Variants in MAML3 observed in about 807,000 individuals in gnomAD.
The protein encoded by MAML3 is mastermind like transcriptional coactivator 3, also known as mastermind-like protein 3.
In MAML3, 27 loss-of-function variants were observed where a neutral mutation model predicts 101.9. The ratio of observed to expected loss-of-function variants is 0.27; its 90% CI spans 0.20 to 0.37. The LOEUF (loss-of-function observed/expected upper bound fraction) is 0.37, where lower values mean the gene tolerates loss of function less well. MAML3 is among the 10% of genes least tolerant of loss of function. The probability of loss-of-function intolerance (pLI) is 1.00; values close to 1 mark genes in which losing one functional copy is unlikely to be tolerated. For synonymous variants in MAML3, 501 were observed against 555.9 expected (o/e 0.90, Z 1.39); for missense variants, 1,316 against 1,444.9 (o/e 0.91, Z 1.45).
At position 140,135,926 on chromosome 4, in the gene MAML3, C is replaced by T. The variant is rs190468122; in HGVS notation, c.468+16934G>A. On this transcript the variant is annotated intron_variant, in intron 1 of 4. Transcript: ENST00000509479. ...TATCTCCCTCCCCCTTCTCCTTCAA[C>T]CTAATGAATTGCCTTTTTTCATAAC... Among the ~76,000 whole-genome samples the T allele has an allele frequency of 2.0e-5, 3 of 152,312 alleles. No individual in the cohort carries two copies. In the South Asian group the frequency reaches 6.2e-4, roughly 32 times the overall value.
At chr4:139,991,037 A>C (rs1734662324) in intron 1 of MAML3, among the ~76,000 whole-genome samples, 1 of 152,206 alleles carries the variant, frequency 6.6e-6, no homozygotes, top group Non-Finnish European at 1.5e-5. Flanking sequence ...TCTTCACAGA[A>C]TTGGAAAAAA....
intron 2 of MAML3, among the ~76,000 whole-genome samples, chr4:139,829,004 A>AGGAAGGAAGGAG (rs1731114080): frequency 7.4e-6 from 1 of 134,576 alleles, no homozygotes; most frequent in Non-Finnish European, 1.6e-5. Flanking sequence ...GAAGGAAGGA[A>AGGAAGGAAGGAG]GGAAGGAAGG....
chr4:140,085,373 C>T (rs1165055417), intron 1 of MAML3, among the ~76,000 whole-genome samples: 3 of 152,104 alleles, frequency 2.0e-5, no homozygotes, highest in African/African-American at 4.8e-5. Context: ...GGGGACAGAG[C>T]GCAGGCCCCA....
chr4:139,949,250 C>T (rs887047046), intron 1 of MAML3, among the ~76,000 whole-genome samples: 3 of 152,036 alleles, frequency 2.0e-5, no homozygotes, highest in Non-Finnish European at 2.9e-5. Context: ...ATCTTGACCT[C>T]GTGATCCGCC....
At chr4:139,908,162 A>G (rs1056157690) in intron 1 of MAML3, among the ~76,000 whole-genome samples, 6 of 152,246 alleles carry the variant, frequency 3.9e-5, no homozygotes, top group African/African-American at 1.4e-4. Flanking sequence ...CCAGAATTGT[A>G]TAATCTGTCT....
intron 2 of MAML3, among the ~76,000 whole-genome samples, chr4:139,825,638 C>T (rs1323929864): frequency 1.3e-5 from 2 of 152,126 alleles, no homozygotes; most frequent in African/African-American, 4.8e-5. Flanking sequence ...CAGGCCAGTG[C>T]CATTAGAGCC....
At position 140,152,932 on chromosome 4, in the gene MAML3, C is replaced by T. The variant is rs1260013384; in HGVS notation, c.396G>A (p.Gln132=). 2 of 1,612,908 alleles carry T rather than the reference C, an allele frequency of 1.2e-6. No individual in the cohort carries two copies. Among genetic ancestry groups the T allele is most frequent in the East Asian group, 4.5e-5 (2 of 44,862 alleles). ...AKKSGAGTGK[Q]QHPSKPQQDA... ...CTTGCTGGGGTTTGCTCGGGTGCTG[C>T]TGTTTGCCGGTGCCGGCGCCCGATT... is the stretch of plus-strand genomic sequence containing the variant. Residue 132 remains glutamine (Q), a synonymous_variant, in exon 1 of 5, where the codon CAG becomes CAA. Transcript: ENST00000509479.
intron 2 of MAML3, among the ~76,000 whole-genome samples, chr4:139,790,039 G>A (rs992065178): frequency 1.3e-5 from 2 of 151,766 alleles, no homozygotes; most frequent in African/African-American, 4.8e-5. Flanking sequence ...ATGGAAAACT[G>A]CAATTATTCA....
At chr4:139,973,657 C>T (rs1734268750) in intron 1 of MAML3, among the ~76,000 whole-genome samples, 1 of 152,178 alleles carries the variant, frequency 6.6e-6, no homozygotes, top group Non-Finnish European at 1.5e-5. Flanking sequence ...ATAGTCCTGA[C>T]AGGCCACCAA....
intron 2 of MAML3, among the ~76,000 whole-genome samples, chr4:139,783,633 T>C (rs547567315): frequency 6.6e-6 from 1 of 152,324 alleles, no homozygotes; most frequent in South Asian, 2.1e-4. Context: ...TAACTGTTCC[T>C]CTCTGGTTCA....
intron 2 of MAML3, among the ~76,000 whole-genome samples, chr4:139,819,594 T>C (rs56978100): frequency 0.023 from 3,445 of 152,304 alleles, 135 homozygotes; most frequent in African/African-American, 0.078. Flanking sequence ...GGGTATTTTT[T>C]TCCAATTGGA....
chr4:139,730,532 T>C lies in MAML3; in HGVS notation c.2215A>G (p.Met739Val), dbSNP rs148876598. ...CGCTGATCAATGAGCATCTGCTTCATGATGGCTGCTTGGGGCTGGCTGCCC... is the reference window on the plus strand; with the variant it reads ...CGCTGATCAATGAGCATCTGCTTCACGATGGCTGCTTGGGGCTGGCTGCCC... ...FLGSQPQAAI[M>V]KQMLIDQRAQ... Residue 739 changes from methionine (M) to valine (V), a missense_variant, in exon 3 of 5, where the codon ATG becomes GTG. Physicochemically the swap from Met to Val is conservative, Grantham distance 21. Transcript: ENST00000509479. 117 of 1,570,218 alleles carry C rather than the reference T, an allele frequency of 7.5e-5. No homozygotes were observed. The East Asian group carries it at 2.7e-3, about 36-fold the overall frequency.
At chr4:139,876,047 G>C (rs6834463) in intron 2 of MAML3, among the ~76,000 whole-genome samples, 1 of 151,542 alleles carries the variant, frequency 6.6e-6, no homozygotes, top group African/African-American at 2.4e-5. Flanking sequence ...ACATGTGGCT[G>C]TTGAACACTT....
At chr4:139,845,270 C>A (rs997625365) in intron 2 of MAML3, among the ~76,000 whole-genome samples, 2 of 152,090 alleles carry the variant, frequency 1.3e-5, no homozygotes, top group African/African-American at 4.8e-5. Flanking sequence ...GGGAACTAGA[C>A]ATGTGGCTGC....
chr4:140,102,250 A>G (rs1358890715), intron 1 of MAML3, among the ~76,000 whole-genome samples: 2 of 152,210 alleles, frequency 1.3e-5, no homozygotes, highest in East Asian at 3.8e-4. Context: ...AACGATTTCT[A>G]GCCCCATCTT....
intron 1 of MAML3, among the ~76,000 whole-genome samples, chr4:140,027,681 C>T (rs77821238): frequency 0.14 from 21,807 of 152,172 alleles, 1,793 homozygotes; most frequent in South Asian, 0.28. Context: ...GAACACTCGT[C>T]CAGATTCAAT....
At chr4:139,835,231 A>T (rs548218064) in intron 2 of MAML3, among the ~76,000 whole-genome samples, 1 of 152,252 alleles carries the variant, frequency 6.6e-6, no homozygotes, top group Non-Finnish European at 1.5e-5. Context: ...AGCAGTGTGC[A>T]TAAGCACGCT....
chr4:139,743,912 A>C (rs1729237941), intron 2 of MAML3, among the ~76,000 whole-genome samples: 1 of 152,214 alleles, frequency 6.6e-6, no homozygotes, highest in Non-Finnish European at 1.5e-5. Flanking sequence ...CCTCATGTAC[A>C]TTCATGTACA....
At chr4:140,102,681 A>C (rs1372490600) in intron 1 of MAML3, among the ~76,000 whole-genome samples, 1 of 152,074 alleles carries the variant, frequency 6.6e-6, no homozygotes, top group Non-Finnish European at 1.5e-5. Flanking sequence ...CAGGCACATG[A>C]GTCAGTCCCT....
Sources: allele counts gnomAD v4.1 joint callset (sites outside exome capture counted in the v4.1 genomes callset), GRCh38; gene constraint gnomAD v4.1.1; transcripts MANE v1.5; gene names NCBI Gene and HGNC (gene_info 2026-07-23, HGNC 2026-07-21).